The following SGCZ variants were observed in gnomAD, a reference collection of about 807,000 sequenced individuals.
SGCZ encodes sarcoglycan zeta, also known as zeta-sarcoglycan.
Under a neutral mutation model 41.3 loss-of-function variants are expected in SGCZ, and 40 were observed. The observed-to-expected ratio is 0.97, with a 90% CI of 0.75 to 1.26. The LOEUF (loss-of-function observed/expected upper bound fraction) is 1.26, where lower values mean the gene tolerates loss of function less well. SGCZ is among the 50% of genes most tolerant of loss of function. SGCZ has a pLI of 0.00. For missense variants in SGCZ, 552 were observed against 369.8 expected (o/e 1.49, Z -4.04); for synonymous variants, 206 against 137.5 (o/e 1.50, Z -3.49).
chr8:14,187,656 T>C (rs2117038131), intron 4 of SGCZ, among the ~76,000 whole-genome samples: 1 of 151,814 alleles, frequency 6.6e-6, no homozygotes, highest in African/African-American at 2.4e-5. Flanking sequence ...ATAGAGATTA[T>C]AAAATCTGTA....
chr8:14,219,501 C>G (rs28782928), intron 4 of SGCZ, among the ~76,000 whole-genome samples: 10,354 of 152,278 alleles, frequency 0.068, 474 homozygotes, highest in African/African-American at 0.12. Flanking sequence ...GTAATTCCAG[C>G]ACTTTGGGAA....
chr8:15,066,875 A>G (rs1266099259), intron 1 of SGCZ, among the ~76,000 whole-genome samples: 1 of 152,226 alleles, frequency 6.6e-6, no homozygotes. Context: ...ATTTCACTGT[A>G]TCTAAAGTAT....
At chr8:14,284,752 C>T (rs1312619914) in intron 3 of SGCZ, among the ~76,000 whole-genome samples, 1 of 151,994 alleles carries the variant, frequency 6.6e-6, no homozygotes, top group Non-Finnish European at 1.5e-5. Flanking sequence ...TTTTTTAATA[C>T]TAGAGTGCAT....
chr8:14,831,425 C>A (rs1423494145), intron 1 of SGCZ, among the ~76,000 whole-genome samples: 1 of 152,184 alleles, frequency 6.6e-6, no homozygotes, highest in Admixed American at 6.5e-5. Context: ...GCCTTTCCTG[C>A]TGTCTCCTGG....
intron 1 of SGCZ, among the ~76,000 whole-genome samples, chr8:15,172,849 T>C (rs1314644294): frequency 6.6e-6 from 1 of 152,198 alleles, no homozygotes; most frequent in Non-Finnish European, 1.5e-5. Flanking sequence ...TTCATAGCAA[T>C]ATATAAATGG....
intron 1 of SGCZ, among the ~76,000 whole-genome samples, chr8:14,975,562 T>C (rs1213349159): frequency 6.6e-6 from 1 of 152,058 alleles, no homozygotes; most frequent in African/African-American, 2.4e-5. Flanking sequence ...TTTCACTGGA[T>C]TGTATCTTAA....
intron 1 of SGCZ, among the ~76,000 whole-genome samples, chr8:14,925,066 C>T (rs1799706183): frequency 6.6e-6 from 1 of 152,000 alleles, no homozygotes; most frequent in Admixed American, 6.6e-5. Context: ...CCGTGTTGGC[C>T]AGGCTGCTCT....
At chr8:14,924,302 T>G (rs1003950730) in intron 1 of SGCZ, among the ~76,000 whole-genome samples, 6 of 152,226 alleles carry the variant, frequency 3.9e-5, no homozygotes, top group Non-Finnish European at 7.3e-5. Context: ...TTCACTCCTG[T>G]TAATCTATGG....
At chr8:14,663,910 G>A (rs1466997974) in intron 1 of SGCZ, among the ~76,000 whole-genome samples, 3 of 152,144 alleles carry the variant, frequency 2.0e-5, no homozygotes, top group Non-Finnish European at 4.4e-5. Flanking sequence ...TCAGTGAGAG[G>A]AGGGAAGGAT....
At chr8:15,000,773 T>C (rs1585456856) in intron 1 of SGCZ, among the ~76,000 whole-genome samples, 2 of 152,178 alleles carry the variant, frequency 1.3e-5, no homozygotes, top group Non-Finnish European at 2.9e-5. Flanking sequence ...CACCGCCTTC[T>C]CCAGCCTGCC....
intron 1 of SGCZ, among the ~76,000 whole-genome samples, chr8:14,847,182 A>G (rs183185121): frequency 1.7e-4 from 25 of 147,188 alleles, no homozygotes; most frequent in African/African-American, 2.1e-4. Flanking sequence ...AAGAAGAAGA[A>G]GAAGAGAAAA....
chr8:14,508,312 C>A (rs981394911), intron 2 of SGCZ, among the ~76,000 whole-genome samples: 1 of 152,116 alleles, frequency 6.6e-6, no homozygotes, highest in African/African-American at 2.4e-5. Context: ...CCCCAAAATA[C>A]ATTTGTTGAA....
intron 1 of SGCZ, among the ~76,000 whole-genome samples, chr8:14,799,430 G>C (rs748860031): frequency 6.6e-6 from 1 of 152,110 alleles, no homozygotes; most frequent in Non-Finnish European, 1.5e-5. Flanking sequence ...ATCTGATGGA[G>C]AGTACATCAG....
chr8:14,959,427 AC>A (rs1381744665), intron 1 of SGCZ, among the ~76,000 whole-genome samples: 3 of 152,136 alleles, frequency 2.0e-5, no homozygotes, highest in African/African-American at 7.2e-5. Flanking sequence ...TACATAGAGT[AC>A]CCTCCAAATT....
rs1801539174 is a variant in SGCZ at position 14,086,980 on chromosome 8, AAT to A, written c.*3461_*3462del. 6.6e-6 allele frequency among the ~76,000 whole-genome samples: 1 copy of A among 151,698 alleles called. No homozygotes were observed. Among genetic ancestry groups the A allele is most frequent in the Admixed American group, 6.6e-5 (1 of 15,190 alleles). On this transcript the variant is annotated 3_prime_UTR_variant, in exon 8 of 8. Coordinates refer to ENST00000382080, the MANE Select transcript of SGCZ (RefSeq NM_139167.4). ...AAGTGAACTGTGACCAACGTAATTA[AAT>A]ATATGTCTTAAGTAGGTAAGTTCAC...
At chr8:14,342,078 G>C (rs1802731494) in intron 2 of SGCZ, among the ~76,000 whole-genome samples, 3 of 152,188 alleles carry the variant, frequency 2.0e-5, no homozygotes, top group African/African-American at 7.2e-5. Context: ...ATGTAGGAAA[G>C]TTTGGAACTT....
At chr8:14,471,278 A>C (rs1414099067) in intron 2 of SGCZ, among the ~76,000 whole-genome samples, 2 of 152,142 alleles carry the variant, frequency 1.3e-5, no homozygotes, top group Non-Finnish European at 2.9e-5. Flanking sequence ...ACTCATTATC[A>C]CATAATAGTG....
At chr8:14,492,251 A>G (rs1285478295) in intron 2 of SGCZ, among the ~76,000 whole-genome samples, 1 of 152,238 alleles carries the variant, frequency 6.6e-6, no homozygotes, top group Non-Finnish European at 1.5e-5. Context: ...AAATGTACTT[A>G]TCACTGAAAT....
intron 1 of SGCZ, among the ~76,000 whole-genome samples, chr8:14,607,615 T>C (rs4240173): frequency 0.87 from 132,153 of 152,104 alleles, 57,472 homozygotes; most frequent in East Asian, 0.88. Context: ...ATTAACTGTC[T>C]AGACTGTGAG....
Sources: gnomAD v4.1 joint callset for allele counts (sites outside exome capture counted in the v4.1 genomes callset) on GRCh38, gnomAD v4.1.1 for gene constraint, MANE v1.5 for transcripts, NCBI Gene and HGNC (gene_info 2026-07-23, HGNC 2026-07-21) for gene names.